The following SDK1 variants were observed in gnomAD, a reference collection of about 807,000 sequenced individuals.
SDK1 encodes the protein protein sidekick-1.
In SDK1, 157 loss-of-function variants were observed where a neutral mutation model predicts 245.5. The observed-to-expected ratio is 0.64, with a 90% CI of 0.56 to 0.73. The LOEUF is 0.73. Among genes scored for constraint, SDK1 ranks in the 30% least tolerant of loss-of-function variants. The pLI is 0.00. For missense variants in SDK1, 3,583 were observed against 3,002.3 expected (o/e 1.19, Z -4.52); for synonymous variants, 1,647 against 1,278.5 (o/e 1.29, Z -6.15).
intron 1 of SDK1, among the ~76,000 whole-genome samples, chr7:3,462,520 A>G (rs1780864957): frequency 6.6e-6 from 1 of 152,162 alleles, no homozygotes; most frequent in Admixed American, 6.5e-5. Flanking sequence ...TCAAAAATTT[A>G]TCTGAGCTCC....
At position 3,307,199 on chromosome 7, in the gene SDK1, C is replaced by A. The variant is rs557194205; in HGVS notation, c.298+5315C>A. On this transcript the variant is annotated intron_variant, in intron 1 of 44. Coordinates refer to ENST00000404826, the MANE Select transcript of SDK1 (RefSeq NM_152744.4). ...TTTATTTGACTTCATTTCTGTAAGG[C>A]ATTATCTTAAATTTCCCCCTAAGTA... 3.0e-4 allele frequency among the ~76,000 whole-genome samples: 46 copies of A among 152,156 alleles called. 1 individual carries two copies. The South Asian group carries it at 7.5e-3, about 25-fold the overall frequency.
chr7:4,102,522 C>T (rs566053495), intron 22 of SDK1, among the ~76,000 whole-genome samples: 11 of 152,304 alleles, frequency 7.2e-5, no homozygotes, highest in South Asian at 4.1e-4. Context: ...CTTCCCCACA[C>T]GCAGCTGCAC....
At chr7:4,068,461 C>G (rs187801298) in intron 20 of SDK1, among the ~76,000 whole-genome samples, 3 of 152,212 alleles carry the variant, frequency 2.0e-5, no homozygotes, top group Admixed American at 1.3e-4. Context: ...TGTCTCAGCC[C>G]TCGTCCCACA....
At chr7:4,043,725 AT>A (rs894295629) in intron 17 of SDK1, among the ~76,000 whole-genome samples, 11 of 151,936 alleles carry the variant, frequency 7.2e-5, no homozygotes, top group Admixed American at 2.6e-4. Flanking sequence ...AATTATGCAA[AT>A]TTTTTTGTTG....
intron 4 of SDK1, among the ~76,000 whole-genome samples, chr7:3,646,022 C>A (rs997273273): frequency 4.6e-5 from 7 of 152,110 alleles, no homozygotes; most frequent in African/African-American, 1.7e-4. Flanking sequence ...CTATGCCCAG[C>A]TGATTTTTGT....
chr7:3,400,009 T>C (rs1228757961), intron 1 of SDK1, among the ~76,000 whole-genome samples: 1 of 152,084 alleles, frequency 6.6e-6, no homozygotes, highest in Admixed American at 6.5e-5. Flanking sequence ...TGACATCAAG[T>C]AATGATAATG....
chr7:3,715,006 A>T (rs1484523369), intron 4 of SDK1, among the ~76,000 whole-genome samples: 1 of 152,202 alleles, frequency 6.6e-6, no homozygotes, highest in Non-Finnish European at 1.5e-5. Flanking sequence ...ATTAAGTAAA[A>T]AATAAATGAA....
chr7:4,238,651 C>T (rs1002758714), intron 42 of SDK1, among the ~76,000 whole-genome samples: 10 of 150,174 alleles, frequency 6.7e-5, no homozygotes, highest in African/African-American at 2.2e-4. Context: ...TGGGTTCAAG[C>T]AATTCGCCTG....
chr7:4,094,876 G>A (rs116941523), intron 22 of SDK1, among the ~76,000 whole-genome samples: 2,633 of 152,306 alleles, frequency 0.017, 38 homozygotes, highest in South Asian at 0.043. Context: ...GGACACGGAG[G>A]TGACACATTG....
chr7:3,367,765 T>A (rs1781128702), intron 1 of SDK1, among the ~76,000 whole-genome samples: 1 of 152,230 alleles, frequency 6.6e-6, no homozygotes, highest in African/African-American at 2.4e-5. Flanking sequence ...ACTGTAAAAT[T>A]GGCTAGTAGA....
chr7:3,418,817 C>T (rs552194855), intron 1 of SDK1, among the ~76,000 whole-genome samples: 4 of 152,254 alleles, frequency 2.6e-5, no homozygotes, highest in Admixed American at 6.5e-5. Context: ...TATATACAGT[C>T]GTCCCTCATT....
At chr7:4,112,422 T>C (rs922064513) in intron 23 of SDK1, among the ~76,000 whole-genome samples, 7 of 152,218 alleles carry the variant, frequency 4.6e-5, no homozygotes, top group Non-Finnish European at 7.3e-5. Flanking sequence ...CTTAGTGATT[T>C]GGGGTTCAAG....
chr7:3,458,242 T>A (rs1325715139), intron 1 of SDK1, among the ~76,000 whole-genome samples: 1 of 152,144 alleles, frequency 6.6e-6, no homozygotes. Flanking sequence ...GATATATTAT[T>A]TTCCCAGAAA....
At position 4,265,297 on chromosome 7, in the gene SDK1, C is replaced by T. The variant is rs148193946; in HGVS notation, c.6555C>T (p.Val2185=). 44,215 of 1,576,262 alleles carry T rather than the reference C, an allele frequency of 0.028. 678 individuals carry two copies. Among genetic ancestry groups the T allele is most frequent in the Non-Finnish European group, 0.031 (36,715 of 1,168,922 alleles). ...GSEAGAQLHP[V]ITTQSAGGVY... is the part of the protein sequence containing the mutation. Reference sequence around the variant, plus strand: ...AGGCGGGCGCGCAGCTGCACCCGGTCATCACCACGCAGAGCGCGGGCGGCG... The same window carrying T: ...AGGCGGGCGCGCAGCTGCACCCGGTTATCACCACGCAGAGCGCGGGCGGCG... Residue 2185 remains valine, a synonymous_variant, in exon 45 of 45, where the codon GTC becomes GTT. Coordinates refer to ENST00000404826, the MANE Select transcript of SDK1 (RefSeq NM_152744.4).
chr7:3,652,378 A>G (rs1783037212), intron 4 of SDK1, among the ~76,000 whole-genome samples: 1 of 152,224 alleles, frequency 6.6e-6, no homozygotes. Flanking sequence ...ATGCACAGAC[A>G]AGCCTGGGAA....
At chr7:3,421,807 C>G (rs1779543400) in intron 1 of SDK1, among the ~76,000 whole-genome samples, 2 of 152,124 alleles carry the variant, frequency 1.3e-5, no homozygotes, top group Admixed American at 6.6e-5. Context: ...AGAACCTGCT[C>G]TTAACCTTAA....
chr7:3,413,876 C>G (rs930167982), intron 1 of SDK1, among the ~76,000 whole-genome samples: 1 of 152,048 alleles, frequency 6.6e-6, no homozygotes, highest in Admixed American at 6.6e-5. Flanking sequence ...GTCCCAGCTA[C>G]TTGGGAGGAT....
At chr7:3,608,968 A>C (rs768504172) in intron 1 of SDK1, among the ~76,000 whole-genome samples, 2 of 152,202 alleles carry the variant, frequency 1.3e-5, no homozygotes, top group Admixed American at 6.5e-5. Flanking sequence ...CAAGAGACTA[A>C]ATGCAGAAGC....
intron 4 of SDK1, among the ~76,000 whole-genome samples, chr7:3,701,320 A>G (rs1481563671): frequency 6.6e-6 from 1 of 152,260 alleles, no homozygotes; most frequent in African/African-American, 2.4e-5. Context: ...GCCGTGTTCA[A>G]CATGTCCATG....
Sources: gnomAD v4.1 joint callset for allele counts (sites outside exome capture counted in the v4.1 genomes callset) on GRCh38, gnomAD v4.1.1 for gene constraint, MANE v1.5 for transcripts, NCBI Gene and HGNC (gene_info 2026-07-23, HGNC 2026-07-21) for gene names.